Variants in TUBB4A observed in about 807,000 individuals in gnomAD.
TUBB4A encodes the protein tubulin beta-4A chain.
TUBB4A carries 13 observed loss-of-function variants against 35.1 expected under a neutral mutation model. The ratio of observed to expected loss-of-function variants is 0.37; its 90% CI spans 0.24 to 0.59. The LOEUF is 0.59. TUBB4A is among the 20% of genes least tolerant of loss of function. TUBB4A has a pLI of 0.71. For synonymous variants in TUBB4A, 279 were observed against 272.4 expected (o/e 1.02, Z -0.24); for missense variants, 299 against 647.2 (o/e 0.46, Z 5.84).
At chr19:6,499,563 G>C (rs969994225) in intron 3 of TUBB4A, among the ~76,000 whole-genome samples, 2 of 152,160 alleles carry the variant, frequency 1.3e-5, no homozygotes, top group African/African-American at 4.8e-5. Context: ...CTGGAGCCAG[G>C]AAAGCTTTCC....
Position 6,501,643 on chromosome 19 carries a change from G to C in TUBB4A, c.58-20C>G. On this transcript the variant is annotated intron_variant, in intron 1 of 3. Transcript: ENST00000264071. The surrounding 1 kb of genome is among the most constrained non-coding windows in gnomAD (Gnocchi z 4.2). ...CCAAAACTAGAGAGAGAGGTGGTCG[G>C]AAGAGTTGAGAGAGGGGAAGCCGGT... The C allele has an allele frequency of 6.2e-7, 1 of 1,604,494 alleles. No individual in the cohort carries two copies. The highest frequency in any genetic ancestry group is 1.3e-5 in the African/African-American group (1 of 74,888).
intron 3 of TUBB4A, among the ~76,000 whole-genome samples, chr19:6,499,077 C>A (rs1423429328): frequency 6.6e-6 from 1 of 152,102 alleles, no homozygotes; most frequent in Non-Finnish European, 1.5e-5. Context: ...GTAATCCCAG[C>A]ACTTTGGGAA....
Position 6,495,152 on chromosome 19 carries a change from G to C in TUBB4A, c.*12C>G, listed in dbSNP as rs546479041. 5 of 1,612,770 alleles carry C rather than the reference G, an allele frequency of 3.1e-6. No individual in the cohort carries two copies. In the Admixed American group the frequency reaches 6.7e-5, roughly 22 times the overall value. On this transcript the variant is annotated 3_prime_UTR_variant, in exon 4 of 4. Coordinates refer to ENST00000264071, the MANE Select transcript of TUBB4A (RefSeq NM_006087.4). This position sits in a 1 kb window ranked among gnomAD's most constrained non-coding sequence, Gnocchi z 8.7. The stretch of plus-strand genomic sequence containing the variant: ...AGCCTCGAGGGGACAGGTGGGAAGC[G>C]ATGGGAGCAGCCTAGGCCACCTCCT...
rs1301050044 is a variant in TUBB4A at position 6,495,368 on chromosome 19, C to T, written c.1131G>A (p.Leu377=). 1.2e-6 allele frequency: 2 copies of T among 1,613,842 alleles called. No individual in the cohort carries two copies. Among genetic ancestry groups the T allele is most frequent in the East Asian group, 2.2e-5 (1 of 44,890 alleles). Reference sequence around the variant, plus strand: ...TGAACTGCTCGGAGATGCGCTTGAACAGCTCCTGGATGGCCGTGCTGTTGC... The same window carrying T: ...TGAACTGCTCGGAGATGCGCTTGAATAGCTCCTGGATGGCCGTGCTGTTGC... ...FIGNSTAIQE[L]FKRISEQFTA... The change falls in exon 4 of 4, where the codon CTG becomes CTA. Residue 377 remains leucine (L), a synonymous_variant. Transcript: ENST00000264071. The surrounding 1 kb of genome is among the most constrained non-coding windows in gnomAD (Gnocchi z 8.7).
At chr19:6,499,792 T>C (rs564360867) in intron 3 of TUBB4A, among the ~76,000 whole-genome samples, 2 of 150,918 alleles carry the variant, frequency 1.3e-5, no homozygotes, top group African/African-American at 2.5e-5. Context: ...GACTTTAAGC[T>C]TCACAATTTT....
In TUBB4A at chr19:6,502,290, C is replaced by A. The variant is rs1298452360; in HGVS notation, c.-78G>T. 3.6e-6 allele frequency: 5 copies of A among 1,405,468 alleles called. No homozygotes were observed. The highest frequency in any genetic ancestry group is 3.0e-5 in the African/African-American group (2 of 66,442). 87.1% of individuals were successfully genotyped at this position (1,405,468 alleles called of 1,614,324 possible). On this transcript the variant is annotated 5_prime_UTR_variant, in exon 1 of 4. Coordinates refer to ENST00000264071, the MANE Select transcript of TUBB4A (RefSeq NM_006087.4). ...GCGGCGGCGGCGAGGGTGGAAGATG[C>A]GGCGGAGACGGCGGAGCACGGTCCC...
rs371265470 is a variant in TUBB4A, at chr19:6,496,126, C to T, written c.373G>A (p.Glu125Lys). The change falls in exon 4 of 4, where the codon GAG becomes AAG. Residue 125 changes from glutamate to lysine, a missense_variant. By Grantham distance (56) the Glu-to-Lys change is moderately conservative. Around this residue, in one of 5 missense-constraint regions of TUBB4A, gnomAD observed 123 missense variants for 226.0 expected, o/e 0.54. Transcript: ENST00000264071. ...AVLDVVRKEA[E>K]SCDCLQGFQL... ...AAGCCCTGAAGGCAGTCGCAGCTCT[C>T]GGCCTCCTTCCGGACTACGTCCAGG... The T allele has an allele frequency of 3.1e-6, 5 of 1,614,224 alleles. No homozygotes were observed. Among genetic ancestry groups the T allele is most frequent in the Non-Finnish European group, 4.2e-6 (5 of 1,180,046 alleles).
upstream of TUBB4A, chr19:6,502,517 C>T (rs1914592053): frequency 2.6e-6 from 1 of 379,148 alleles, no homozygotes; most frequent in African/African-American, 2.1e-5. Context: ...GGGTGAGGCC[C>T]CTTAGGGAGC....
chr19:6,495,722 G>C lies in TUBB4A; in HGVS notation c.777C>G (p.Pro259=), dbSNP rs773226267. The change falls in exon 4 of 4, where the codon CCC becomes CCG. Residue 259 remains proline, a synonymous_variant. Transcript: ENST00000264071. This position sits in a 1 kb window ranked among gnomAD's most constrained non-coding sequence, Gnocchi z 8.7. ...DLRKLAVNMV[P]FPRLHFFMPG... ...GCATGAAGAAGTGCAGGCGAGGAAA[G>C]GGAACCATGTTGACGGCCAGCTTGC... is the stretch of plus-strand genomic sequence containing the variant. 5.0e-6 allele frequency: 8 copies of C among 1,613,988 alleles called. No homozygotes were observed. The Middle Eastern group carries it at 4.9e-4, about 99-fold the overall frequency.
rs376873869 is a variant in TUBB4A at position 6,501,426 on chromosome 19, G to A, written c.167-29C>T. The A allele has an allele frequency of 1.0e-5, 16 of 1,607,334 alleles. No homozygotes were observed. Among genetic ancestry groups the A allele is most frequent in the Admixed American group, 1.7e-5 (1 of 59,538 alleles). ...CAGGGAAACAGATGGAGGGCAGTTC[G>A]ATGCGTGCCAGGAACCACAGGCGCC... On this transcript the variant is annotated intron_variant, in intron 2 of 3. Coordinates refer to ENST00000264071, the MANE Select transcript of TUBB4A (RefSeq NM_006087.4). This position sits in a 1 kb window ranked among gnomAD's most constrained non-coding sequence, Gnocchi z 4.2.
intron 3 of TUBB4A, chr19:6,496,541 G>T (rs1230302771): frequency 4.3e-6 from 1 of 233,046 alleles, no homozygotes; most frequent in Non-Finnish European, 8.5e-6. Flanking sequence ...TGAGGCAGGA[G>T]AATGGCGTGA....
rs8107114 is a variant in TUBB4A, at chr19:6,496,425, C to T, written c.278-204G>A. 39,817 of 527,048 alleles carry T rather than the reference C, an allele frequency of 0.076. 1,580 individuals carry two copies. Among genetic ancestry groups the T allele is most frequent in the Non-Finnish European group, 0.086 (25,500 of 295,174 alleles). The allele number at this position is 527,048 out of a possible 1,614,324, so 32.6% of individuals were successfully genotyped here. A position where few individuals can be genotyped will look rare whatever the true frequency, so the allele number is the denominator to read the frequency against. ...TGGGCGGATCACGAGGTCAGGAGAT[C>T]GAGACCATCCTGGCTAACACGGTGA... On this transcript the variant is annotated intron_variant, in intron 3 of 3. Coordinates refer to ENST00000264071, the MANE Select transcript of TUBB4A (RefSeq NM_006087.4).
Position 6,495,255 on chromosome 19 carries a change from A to T in TUBB4A, c.1244T>A (p.Met415Lys). Residue 415 changes from methionine (M) to lysine (K), a missense_variant, in exon 4 of 4, where the codon ATG becomes AAG. Physicochemically the swap from Met to Lys is moderately conservative, Grantham distance 95. Coordinates refer to ENST00000264071, the MANE Select transcript of TUBB4A (RefSeq NM_006087.4). The surrounding 1 kb of genome is among the most constrained non-coding windows in gnomAD (Gnocchi z 8.7). The stretch of plus-strand genomic sequence containing the variant: ...CTGGTACTCAGATACCAGGTCATTC[A>T]TGTTGCTCTCGGCCTCGGTGAACTC... The part of the protein sequence containing the change: ...EMEFTEAESN[M>K]NDLVSEYQQY... 6.2e-7 allele frequency: 1 copy of T among 1,613,776 alleles called. No homozygotes were observed. Among genetic ancestry groups the T allele is most frequent in the South Asian group, 1.1e-5 (1 of 91,060 alleles).
chr19:6,495,090 G>T lies in TUBB4A; in HGVS notation c.*74C>A. On this transcript the variant is annotated 3_prime_UTR_variant, in exon 4 of 4. Transcript: ENST00000264071. The surrounding 1 kb of genome is among the most constrained non-coding windows in gnomAD (Gnocchi z 8.7). ...CTTGGAGGGAAAGCGGGGCTCTAGG[G>T]TTCAGAGATGGGGGGCCTAGCGGAT... The T allele has an allele frequency of 1.3e-6, 2 of 1,559,698 alleles. No homozygotes were observed. The highest frequency in any genetic ancestry group is 1.7e-6 in the Non-Finnish European group (2 of 1,144,288).
chr19:6,497,802 G>A (rs575720278), intron 3 of TUBB4A, among the ~76,000 whole-genome samples: 27 of 150,560 alleles, frequency 1.8e-4, no homozygotes, highest in East Asian at 1.8e-3. Flanking sequence ...GCGAGGTGGC[G>A]GGCGCCTGTA....
upstream of TUBB4A, chr19:6,502,507 G>T: frequency 2.4e-6 from 1 of 408,236 alleles, no homozygotes; most frequent in Non-Finnish European, 4.4e-6. Context: ...CCTGCCTTGG[G>T]GGTGAGGCCC....
chr19:6,500,953 G>T (rs934082207), intron 3 of TUBB4A: 1 of 254,608 alleles, frequency 3.9e-6, no homozygotes, highest in African/African-American at 2.2e-5. Flanking sequence ...CTAGAACAGG[G>T]CCTGGTATGC....
Position 6,501,360 on chromosome 19 carries a change from C to T in TUBB4A, c.204G>A (p.Leu68=), listed in dbSNP as rs762248756. Residue 68 remains leucine, a synonymous_variant, in exon 3 of 4, where the codon CTG becomes CTA. Transcript: ENST00000264071. This position sits in a 1 kb window ranked among gnomAD's most constrained non-coding sequence, Gnocchi z 4.2. ...GGACAGAGTCCATGGTGCCGGGTTC[C>T]AGGTCCACCAGCACCGCTCTGGGGA... is the stretch of plus-strand genomic sequence containing the variant. ...NYVPRAVLVD[L]EPGTMDSVRS... The T allele has an allele frequency of 2.5e-5, 41 of 1,614,126 alleles. No homozygotes were observed. Among genetic ancestry groups the T allele is most frequent in the Admixed American group, 3.3e-5 (2 of 60,010 alleles).
rs2145261988 is a variant in TUBB4A at position 6,502,292 on chromosome 19, G to A, written c.-80C>T. On this transcript the variant is annotated 5_prime_UTR_variant, in exon 1 of 4. Transcript: ENST00000264071. ...GGCGGCGGCGAGGGTGGAAGATGCG[G>A]CGGAGACGGCGGAGCACGGTCCCTG... The A allele has an allele frequency of 1.4e-6, 2 of 1,411,972 alleles. No homozygotes were observed. The highest frequency in any genetic ancestry group is 2.5e-4 in the Middle Eastern group (1 of 3,958). 87.5% of individuals were successfully genotyped at this position (1,411,972 alleles called of 1,614,324 possible).
Sources: gnomAD v4.1 joint callset for allele counts (sites outside exome capture counted in the v4.1 genomes callset) on GRCh38, gnomAD v4.1.1 for gene constraint, gnomAD v4.1.1 regional missense constraint, Gnocchi (gnomAD v3.1) non-coding constraint, MANE v1.5 for transcripts, NCBI Gene and HGNC (gene_info 2026-07-23, HGNC 2026-07-21) for gene names.